The following KANK1 variants were observed in gnomAD, a reference collection of about 807,000 sequenced individuals.
KANK1 encodes KN motif and ankyrin repeat domain-containing protein 1.
KANK1 carries 109 observed loss-of-function variants against 106.2 expected under a neutral mutation model. The ratio of observed to expected loss-of-function variants is 1.03; its 90% CI spans 0.88 to 1.20. KANK1 has a LOEUF of 1.20. Ranked by LOEUF, KANK1 falls within the 50% of genes most tolerant of loss-of-function variation. The pLI is 0.00. For missense variants in KANK1, 2,399 were observed against 1,710.7 expected (o/e 1.40, Z -7.10); for synonymous variants, 873 against 652.2 (o/e 1.34, Z -5.16).
At chr9:592,718 C>T (rs2642002) in intron 1 of KANK1, among the ~76,000 whole-genome samples, 120,634 of 151,866 alleles carry the variant, frequency 0.79, 48,327 homozygotes, top group African/African-American at 0.85. Flanking sequence ...TGAAATGTGA[C>T]TTGAGATAGG....
At chr9:545,913 T>G in intron 1 of KANK1, among the ~76,000 whole-genome samples, 1 of 151,738 alleles carries the variant, frequency 6.6e-6, no homozygotes, top group East Asian at 1.9e-4. Context: ...GCCCGGCTAA[T>G]TTTTTTGTAT....
intron 2 of KANK1, among the ~76,000 whole-genome samples, chr9:702,503 T>C (rs1399085436): frequency 6.6e-6 from 1 of 151,994 alleles, no homozygotes; most frequent in Non-Finnish European, 1.5e-5. Flanking sequence ...ACTAGAGAGA[T>C]AGAGAAAGAG....
chr9:521,954 A>G (rs1345917931), intron 1 of KANK1, among the ~76,000 whole-genome samples: 1 of 151,824 alleles, frequency 6.6e-6, no homozygotes, highest in African/African-American at 2.4e-5. Flanking sequence ...AGCCACAGGC[A>G]GCTCATACAT....
At chr9:527,966 C>A (rs2059873050) in intron 1 of KANK1, among the ~76,000 whole-genome samples, 1 of 151,874 alleles carries the variant, frequency 6.6e-6, no homozygotes, top group East Asian at 1.9e-4. Flanking sequence ...CCTGTCTGTA[C>A]TAAAAATACA....
chr9:525,349 A>ATGTGTG (rs1563716017), intron 1 of KANK1, among the ~76,000 whole-genome samples: 2 of 105,596 alleles, frequency 1.9e-5, no homozygotes, highest in African/African-American at 1.2e-4. Flanking sequence ...ATGTATACAT[A>ATGTGTG]CGTGTGTGTG....
At chr9:622,010 T>A (rs918344344) in intron 1 of KANK1, among the ~76,000 whole-genome samples, 2 of 152,122 alleles carry the variant, frequency 1.3e-5, no homozygotes, top group East Asian at 3.8e-4. Flanking sequence ...TCATTAAAAA[T>A]TTTTCCAGGT....
At chr9:733,830 A>T (rs967121361) in intron 6 of KANK1, 1 of 152,154 alleles carries the variant, frequency 6.6e-6, no homozygotes, top group Non-Finnish European at 1.5e-5. Context: ...AACTTAGAAC[A>T]GGTTGGGCAC....
intron 1 of KANK1, among the ~76,000 whole-genome samples, chr9:665,172 G>C (rs529957776): frequency 6.6e-6 from 1 of 152,102 alleles, no homozygotes; most frequent in Non-Finnish European, 1.5e-5. Context: ...TCAGCTTGAT[G>C]TAATCCCATT....
At position 524,806 on chromosome 9, in the gene KANK1, C is replaced by T. The variant is rs149569982; in HGVS notation, c.-84+20052C>T. 9.3e-3 allele frequency among the ~76,000 whole-genome samples: 1,401 copies of T among 151,266 alleles called. 17 individuals carry two copies. Among genetic ancestry groups the T allele is most frequent in the Non-Finnish European group, 0.015 (1,000 of 67,890 alleles). On this transcript the variant is annotated intron_variant, in intron 1 of 11. Coordinates refer to ENST00000382297, the MANE Select transcript of KANK1 (RefSeq NM_015158.5). The stretch of plus-strand genomic sequence containing the variant: ...TGCTGGGATTATGGGTGTGAGCCAC[C>T]GTGCCCGGCTCGTTACTGGTTTTGA...
chr9:731,768 C>G (rs1296265128), intron 5 of KANK1: 3 of 153,898 alleles, frequency 1.9e-5, no homozygotes, highest in African/African-American at 7.2e-5. Context: ...ATTGTTTGTT[C>G]CTTCTCTTTG....
At chr9:596,334 G>A (rs1826200879) in intron 1 of KANK1, among the ~76,000 whole-genome samples, 1 of 151,830 alleles carries the variant, frequency 6.6e-6, no homozygotes, top group East Asian at 1.9e-4. Context: ...CCATGGTTTA[G>A]TTTCCTCACC....
upstream of KANK1, among the ~76,000 whole-genome samples, chr9:501,384 C>G (rs1224460846): frequency 1.3e-5 from 2 of 151,770 alleles, no homozygotes; most frequent in African/African-American, 4.9e-5. Flanking sequence ...AGAAATAAAT[C>G]AAGGCACCAA....
rs188520604 is a variant in KANK1 at position 658,493 on chromosome 9, G to T, written c.-83-18397G>T. Among the ~76,000 whole-genome samples, 401 of 152,116 alleles carry T rather than the reference G, an allele frequency of 2.6e-3. 3 individuals are homozygous for T. Among genetic ancestry groups the T allele is most frequent in the African/African-American group, 9.3e-3 (387 of 41,508 alleles). ...AAAGAAAAAAAAAGATTGTAATTTT[G>T]ATGAAGACCGCATTGTCAATTTTTA... On this transcript the variant is annotated intron_variant, in intron 1 of 11. Transcript: ENST00000382297.
chr9:728,184 TTTTTG>T (rs1483903497), intron 3 of KANK1, among the ~76,000 whole-genome samples: 4 of 152,270 alleles, frequency 2.6e-5, no homozygotes, highest in South Asian at 2.1e-4. Context: ...ATTTTGTCTT[TTTTTG>T]TTTTGTTTCT....
intron 3 of KANK1, among the ~76,000 whole-genome samples, chr9:727,711 T>C (rs1218099750): frequency 6.6e-6 from 1 of 151,438 alleles, no homozygotes; most frequent in East Asian, 1.9e-4. Context: ...TGTGTGTGTG[T>C]GTGTGTATGT....
At chr9:561,863 C>A (rs932062090) in intron 1 of KANK1, among the ~76,000 whole-genome samples, 2 of 152,140 alleles carry the variant, frequency 1.3e-5, no homozygotes, top group Non-Finnish European at 2.9e-5. Flanking sequence ...ATACTGCAGA[C>A]GTTTTCTGTA....
At chr9:498,888 A>G (rs1380394726) in intron 3 of KANK1, among the ~76,000 whole-genome samples, 1 of 152,162 alleles carries the variant, frequency 6.6e-6, no homozygotes, top group Non-Finnish European at 1.5e-5. Flanking sequence ...AAAGTTGAAC[A>G]TGGAGTTGGC....
chr9:736,089 C>G (rs1227290787), intron 7 of KANK1, among the ~76,000 whole-genome samples: 1 of 152,136 alleles, frequency 6.6e-6, no homozygotes, highest in East Asian at 1.9e-4. Flanking sequence ...TCCCCAGTAG[C>G]TGGGACTACC....
chr9:567,154 G>C (rs914900218), intron 1 of KANK1, among the ~76,000 whole-genome samples: 1 of 152,122 alleles, frequency 6.6e-6, no homozygotes, highest in African/African-American at 2.4e-5. Context: ...GATAGTTGTA[G>C]GTATGCGGCC....
Sources: allele counts gnomAD v4.1 joint callset (sites outside exome capture counted in the v4.1 genomes callset), GRCh38; gene constraint gnomAD v4.1.1; transcripts MANE v1.5; gene names NCBI Gene and HGNC (gene_info 2026-07-23, HGNC 2026-07-21).